HNF1B: variants seen among roughly 807,000 people sequenced by gnomAD.
HNF1B encodes HNF1 homeobox B.
Under a neutral mutation model 61.7 loss-of-function variants are expected in HNF1B, and 8 were observed. That is an observed-to-expected ratio of 0.13 (90% CI 0.08 to 0.23). The LOEUF is 0.23. HNF1B is among the 10% of genes least tolerant of loss of function. HNF1B has a pLI of 1.00. For missense variants in HNF1B, 562 were observed against 714.5 expected, an observed-to-expected ratio of 0.79 and a Z score of 2.43; for synonymous variants, 314 against 287.7, an observed-to-expected ratio of 1.09 and a Z score of -0.93.
intron 6 of HNF1B, among the ~76,000 whole-genome samples, chr17:37,702,840 G>C (rs1456956150): frequency 6.6e-6 from 1 of 152,190 alleles, no homozygotes; most frequent in African/African-American, 2.4e-5. Context: ...CTGTGATCCT[G>C]ATGTGCCTCA....
In HNF1B at chr17:37,687,064, C is replaced by G; in HGVS notation, c.*308G>C. 1 of 593,024 alleles carries G rather than the reference C, an allele frequency of 1.7e-6. No homozygotes were observed. Among genetic ancestry groups the G allele is most frequent in the Non-Finnish European group, 3.0e-6 (1 of 332,998 alleles). The allele number at this position is 593,024 out of a possible 1,614,324, so 36.7% of individuals were successfully genotyped here. A position where few individuals can be genotyped will look rare whatever the true frequency, so the allele number is the denominator to read the frequency against. ...CAGTTTGTTCGATGAAGGATCACAACATAGACAGTACGGCTTTCTTGCTTC... is the reference window on the plus strand; with the variant it reads ...CAGTTTGTTCGATGAAGGATCACAAGATAGACAGTACGGCTTTCTTGCTTC... On this transcript the variant is annotated 3_prime_UTR_variant, in exon 9 of 9. Coordinates refer to ENST00000617811, the MANE Select transcript of HNF1B (RefSeq NM_000458.4).
At chr17:37,691,624 G>A (rs1329700367) in intron 8 of HNF1B, among the ~76,000 whole-genome samples, 2 of 152,128 alleles carry the variant, frequency 1.3e-5, no homozygotes, top group Non-Finnish European at 2.9e-5. Flanking sequence ...AGGTCTTCGT[G>A]CAGTTAGTCC....
At chr17:37,694,445 C>T (rs1376924523) in intron 8 of HNF1B, among the ~76,000 whole-genome samples, 1 of 67,536 alleles carries the variant, frequency 1.5e-5, no homozygotes, top group Non-Finnish European at 4.2e-5. Flanking sequence ...GCCGCCCCCC[C>T]CCCCCCCCGC....
At chr17:37,717,847 T>C (rs1310364219) in intron 4 of HNF1B, among the ~76,000 whole-genome samples, 1 of 152,220 alleles carries the variant, frequency 6.6e-6, no homozygotes, top group East Asian at 1.9e-4. Flanking sequence ...TATTAATATT[T>C]CCTCCTCTGA....
At chr17:37,702,039 C>T (rs1036369032) in intron 6 of HNF1B, among the ~76,000 whole-genome samples, 7 of 152,102 alleles carry the variant, frequency 4.6e-5, no homozygotes, top group African/African-American at 1.4e-4. Context: ...GAGAGCGACA[C>T]GGAGGAAGAC....
chr17:37,717,704 G>A (rs1222109424), intron 4 of HNF1B, among the ~76,000 whole-genome samples: 2 of 152,154 alleles, frequency 1.3e-5, no homozygotes, highest in African/African-American at 4.8e-5. Flanking sequence ...ACTTCTGAGA[G>A]GCCCATTTGG....
intron 4 of HNF1B, among the ~76,000 whole-genome samples, chr17:37,711,566 A>G (rs2032936037): frequency 6.6e-6 from 1 of 152,240 alleles, no homozygotes; most frequent in African/African-American, 2.4e-5. Context: ...AGGAAGCTAA[A>G]AGAACGCCTG....
At chr17:37,689,096 T>C (rs1228657665) in intron 8 of HNF1B, among the ~76,000 whole-genome samples, 1 of 142,248 alleles carries the variant, frequency 7.0e-6, no homozygotes, top group African/African-American at 2.7e-5. Flanking sequence ...GGTGAGCCGA[T>C]ATTATGCTAC....
chr17:37,696,570 T>C (rs58679466), intron 8 of HNF1B, among the ~76,000 whole-genome samples: 122,779 of 152,216 alleles, frequency 0.81, 50,049 homozygotes, highest in African/African-American at 0.93. Flanking sequence ...CCTTCTGAGG[T>C]CTTCAGCAGA....
chr17:37,713,361 A>G (rs2032998787), intron 4 of HNF1B, among the ~76,000 whole-genome samples: 1 of 152,228 alleles, frequency 6.6e-6, no homozygotes, highest in South Asian at 2.1e-4. Flanking sequence ...TTTATTTAAA[A>G]ATAATTAACC....
chr17:37,713,696 C>G (rs1053009296), intron 4 of HNF1B, among the ~76,000 whole-genome samples: 3 of 152,162 alleles, frequency 2.0e-5, no homozygotes, highest in African/African-American at 7.2e-5. Context: ...CATCTATAAG[C>G]CAGAGGACGG....
chr17:37,714,152 A>C (rs190863365), intron 4 of HNF1B, among the ~76,000 whole-genome samples: 2 of 152,336 alleles, frequency 1.3e-5, no homozygotes, highest in East Asian at 3.9e-4. Context: ...GTCATTGGGA[A>C]GAGAACGGAA....
intron 8 of HNF1B, among the ~76,000 whole-genome samples, chr17:37,695,071 A>G (rs1214730298): frequency 6.6e-6 from 1 of 152,234 alleles, no homozygotes; most frequent in Non-Finnish European, 1.5e-5. Flanking sequence ...GAAGTATTTC[A>G]GACATCTTCT....
At chr17:37,690,873 G>A (rs1314593897) in intron 8 of HNF1B, among the ~76,000 whole-genome samples, 2 of 152,216 alleles carry the variant, frequency 1.3e-5, no homozygotes, top group African/African-American at 4.8e-5. Context: ...GGGAAGACCG[G>A]ACTGTACACA....
chr17:37,707,973 T>C (rs1002738517), intron 5 of HNF1B, among the ~76,000 whole-genome samples: 9 of 152,290 alleles, frequency 5.9e-5, no homozygotes, highest in East Asian at 1.9e-4. Context: ...CATGCAGAGA[T>C]TGTCATTCCT....
chr17:37,712,446 C>A (rs2032966416), intron 4 of HNF1B, among the ~76,000 whole-genome samples: 1 of 152,176 alleles, frequency 6.6e-6, no homozygotes, highest in Non-Finnish European at 1.5e-5. Flanking sequence ...TTAAATGAGG[C>A]CTTCTTTCTT....
At chr17:37,738,807 G>T (rs1310166188) in intron 2 of HNF1B, among the ~76,000 whole-genome samples, 1 of 152,168 alleles carries the variant, frequency 6.6e-6, no homozygotes, top group African/African-American at 2.4e-5. Flanking sequence ...CTTTTCCTGT[G>T]CCCTGCCTTA....
At chr17:37,741,626 C>T (rs947501571) in intron 1 of HNF1B, among the ~76,000 whole-genome samples, 1 of 152,180 alleles carries the variant, frequency 6.6e-6, no homozygotes, top group Non-Finnish European at 1.5e-5. Context: ...ATACTTTCAA[C>T]GGCTACGAAC....
At chr17:37,729,021 T>C (rs17847528) in intron 4 of HNF1B, 19,004 of 152,254 alleles carry the variant, frequency 0.12, 1,471 homozygotes, top group South Asian at 0.25. Context: ...ATGTTAAGAG[T>C]CATAATGAGG....
Sources: gnomAD v4.1 joint callset for allele counts (sites outside exome capture counted in the v4.1 genomes callset) on GRCh38, gnomAD v4.1.1 for gene constraint, MANE v1.5 for transcripts, NCBI Gene and HGNC (gene_info 2026-07-23, HGNC 2026-07-21) for gene names.